The following MOB1B variants were observed in gnomAD, a reference collection of about 807,000 sequenced individuals.
The protein encoded by MOB1B is MOB1 Mps One Binder homolog B.
A neutral mutation model predicts 24.4 loss-of-function variants in MOB1B; 19 were observed. The ratio of observed to expected loss-of-function variants is 0.78; its 90% CI spans 0.54 to 1.14. MOB1B has a LOEUF of 1.14. Among genes scored for constraint, MOB1B ranks in the 50% most tolerant of loss-of-function variants. The probability of loss-of-function intolerance (pLI) is 0.00; values close to 1 mark genes in which losing one functional copy is unlikely to be tolerated. For missense variants in MOB1B, 243 were observed against 259.6 expected, an observed-to-expected ratio of 0.94 and a Z score of 0.44; for synonymous variants, 76 against 82.1, an observed-to-expected ratio of 0.93 and a Z score of 0.40.
At position 70,969,665 on chromosome 4, in the gene MOB1B, C is replaced by T. The variant is rs1286104995; in HGVS notation, c.182-266C>T. On this transcript the variant is annotated intron_variant, in intron 2 of 5. Coordinates refer to ENST00000309395, the MANE Select transcript of MOB1B (RefSeq NM_173468.4). ...TTTTTCTTATTGATCTATATGAGTT[C>T]TTTATCTATTCTAGATATAAGATTT... 2.6e-5 allele frequency among the ~76,000 whole-genome samples: 4 copies of T among 152,188 alleles called. No homozygotes were observed. The South Asian group carries it at 6.2e-4, about 24-fold the overall frequency.
At chr4:70,972,250 G>C (rs1321870821) in intron 3 of MOB1B, among the ~76,000 whole-genome samples, 3 of 151,958 alleles carry the variant, frequency 2.0e-5, no homozygotes, top group Non-Finnish European at 2.9e-5. Flanking sequence ...ATCTTGCTCT[G>C]TTGCCCAGGC....
intron 1 of MOB1B, among the ~76,000 whole-genome samples, chr4:70,929,522 TGA>T (rs1736793694): frequency 6.6e-6 from 1 of 152,110 alleles, no homozygotes; most frequent in South Asian, 2.1e-4. Flanking sequence ...GCTCTGTGGC[TGA>T]GTCTGTAGCA....
chr4:70,976,624 T>G, intron 4 of MOB1B: 1 of 983,226 alleles, frequency 1.0e-6, no homozygotes, highest in Non-Finnish European at 1.2e-6. Context: ...ATTTTACGAT[T>G]TTTTTTGAAA....
At chr4:70,969,596 A>C (rs1738672951) in intron 2 of MOB1B, among the ~76,000 whole-genome samples, 1 of 152,158 alleles carries the variant, frequency 6.6e-6, no homozygotes, top group Non-Finnish European at 1.5e-5. Flanking sequence ...TTCTTTTGTG[A>C]AGTGACAGTT....
chr4:70,906,970 G>A (rs1482904093), intron 1 of MOB1B, among the ~76,000 whole-genome samples: 1 of 152,148 alleles, frequency 6.6e-6, no homozygotes, highest in African/African-American at 2.4e-5. Flanking sequence ...TTCTACTTAG[G>A]CTTTAGGAAA....
intron 1 of MOB1B, among the ~76,000 whole-genome samples, chr4:70,929,981 C>G (rs1218904957): frequency 6.6e-6 from 1 of 152,048 alleles, no homozygotes; most frequent in Admixed American, 6.6e-5. Context: ...TCTTGAAGTC[C>G]TGGGCTTGAG....
chr4:70,932,447 T>A (rs16845562), intron 1 of MOB1B, among the ~76,000 whole-genome samples: 2,496 of 152,310 alleles, frequency 0.016, 67 homozygotes, highest in African/African-American at 0.055. Context: ...CTGAGTTAAA[T>A]AATAATAGTA....
intron 3 of MOB1B, among the ~76,000 whole-genome samples, chr4:70,973,469 C>CAAAAA (rs528813623): frequency 8.1e-5 from 4 of 49,418 alleles, no homozygotes; most frequent in African/African-American, 1.2e-4. Flanking sequence ...GACCCTGTCT[C>CAAAAA]AAAAAAAAAA....
intron 1 of MOB1B, among the ~76,000 whole-genome samples, chr4:70,955,481 T>C (rs1738002511): frequency 6.7e-6 from 1 of 149,106 alleles, no homozygotes; most frequent in African/African-American, 2.5e-5. Flanking sequence ...TTTTTTTTTT[T>C]TTTTTGGGAG....
chr4:70,925,436 A>G (rs569519601), intron 1 of MOB1B, among the ~76,000 whole-genome samples: 64 of 152,268 alleles, frequency 4.2e-4, no homozygotes, highest in African/African-American at 1.4e-3. Flanking sequence ...CTTTTTTGAT[A>G]TCACTTAACA....
At chr4:70,914,465 GT>G (rs1736120419) in intron 1 of MOB1B, among the ~76,000 whole-genome samples, 1 of 152,144 alleles carries the variant, frequency 6.6e-6, no homozygotes, top group South Asian at 2.1e-4. Flanking sequence ...ATCTGAGGAC[GT>G]TGGTTCTGCT....
rs11395356 is a variant in MOB1B at position 70,935,847 on chromosome 4, ATTTTTT to A, written c.15-23010_15-23005del. Among the ~76,000 whole-genome samples, 14 of 100,386 alleles carry A rather than the reference ATTTTTT, an allele frequency of 1.4e-4. 1 individual carries two copies. In the East Asian group the frequency reaches 1.5e-3, roughly 11 times the overall value. 65.9% of individuals were successfully genotyped at this position (100,386 alleles called of 152,430 possible). The stretch of plus-strand genomic sequence containing the variant: ...GTGTACCACCATGCCTGGTACACTA[ATTTTTT>A]TTTTTTTTTTTTTTTTGAGACGGAG... On this transcript the variant is annotated intron_variant, in intron 1 of 5. Coordinates refer to ENST00000309395, the MANE Select transcript of MOB1B (RefSeq NM_173468.4).
intron 2 of MOB1B, among the ~76,000 whole-genome samples, chr4:70,964,665 C>G (rs1160927395): frequency 6.6e-6 from 1 of 152,182 alleles, no homozygotes; most frequent in Non-Finnish European, 1.5e-5. Flanking sequence ...TGCGGTGGTT[C>G]ATGCCTGTAA....
intron 3 of MOB1B, among the ~76,000 whole-genome samples, chr4:70,971,864 G>A (rs2148900597): frequency 6.6e-6 from 1 of 152,042 alleles, no homozygotes; most frequent in East Asian, 1.9e-4. Flanking sequence ...AAGCTGTGTG[G>A]TCTCCTGCCT....
chr4:70,905,360 C>T (rs184843095), intron 1 of MOB1B, among the ~76,000 whole-genome samples: 3 of 151,992 alleles, frequency 2.0e-5, no homozygotes, highest in Admixed American at 2.0e-4. Flanking sequence ...CATCTCAAAC[C>T]CCCTCCCCGC....
chr4:70,917,849 A>T (rs188179259), intron 1 of MOB1B, among the ~76,000 whole-genome samples: 2 of 152,364 alleles, frequency 1.3e-5, no homozygotes, highest in East Asian at 3.9e-4. Flanking sequence ...TCAAGCATTG[A>T]TGATAAACTA....
At chr4:70,929,386 C>G (rs1260855945) in intron 1 of MOB1B, among the ~76,000 whole-genome samples, 1 of 152,036 alleles carries the variant, frequency 6.6e-6, no homozygotes, top group Non-Finnish European at 1.5e-5. Context: ...CCCATGTTGG[C>G]CAGGCTGATC....
chr4:70,916,117 A>G (rs957871615), intron 1 of MOB1B, among the ~76,000 whole-genome samples: 24 of 152,196 alleles, frequency 1.6e-4, no homozygotes, highest in African/African-American at 5.6e-4. Flanking sequence ...CTTGGGGCCT[A>G]GTGCATGAGA....
intron 1 of MOB1B, among the ~76,000 whole-genome samples, chr4:70,931,706 T>C (rs945432659): frequency 2.6e-5 from 4 of 152,122 alleles, no homozygotes; most frequent in Admixed American, 1.3e-4. Flanking sequence ...ATTCCAAGTG[T>C]CTTATTTTAG....
Sources: allele counts gnomAD v4.1 joint callset (sites outside exome capture counted in the v4.1 genomes callset), GRCh38; gene constraint gnomAD v4.1.1; transcripts MANE v1.5; gene names NCBI Gene and HGNC (gene_info 2026-07-23, HGNC 2026-07-21).